The following RBFOX1 variants were observed in gnomAD, a reference collection of about 807,000 sequenced individuals.
The protein encoded by RBFOX1 is RNA binding fox-1 homolog 1.
Under a neutral mutation model 57.7 loss-of-function variants are expected in RBFOX1, and 8 were observed. The ratio of observed to expected loss-of-function variants is 0.14; its 90% CI spans 0.08 to 0.25. The LOEUF (loss-of-function observed/expected upper bound fraction) is 0.25. Ranked by LOEUF, RBFOX1 falls within the 10% of genes least tolerant of loss-of-function variation. The probability of loss-of-function intolerance (pLI) is 1.00; values close to 1 mark genes in which losing one functional copy is unlikely to be tolerated. For synonymous variants in RBFOX1, 326 were observed against 222.4 expected (o/e 1.47, Z -4.15); for missense variants, 611 against 548.5 (o/e 1.11, Z -1.14).
chr16:5,729,820 A>G (rs2052295873), intron 3 of RBFOX1, among the ~76,000 whole-genome samples: 2 of 152,298 alleles, frequency 1.3e-5, no homozygotes, highest in South Asian at 4.1e-4. Context: ...GGTGACTTTC[A>G]TTGCCTTTGA....
chr16:5,514,684 C>G (rs543867876), intron 2 of RBFOX1, among the ~76,000 whole-genome samples: 6 of 151,480 alleles, frequency 4.0e-5, no homozygotes, highest in African/African-American at 1.5e-4. Flanking sequence ...ATTGAAATGA[C>G]AATGATGTCC....
chr16:7,176,152 T>C (rs80039720), intron 4 of RBFOX1, among the ~76,000 whole-genome samples: 1,523 of 151,056 alleles, frequency 0.01, 36 homozygotes, highest in African/African-American at 0.035. Flanking sequence ...ACATGCTAGG[T>C]GTGTGATTTT....
At chr16:6,607,928 A>G (rs1171294804) in intron 2 of RBFOX1, among the ~76,000 whole-genome samples, 1 of 152,174 alleles carries the variant, frequency 6.6e-6, no homozygotes, top group Non-Finnish European at 1.5e-5. Flanking sequence ...GAAATAGAAT[A>G]TATACAAACT....
rs192161262 is a variant in RBFOX1, at chr16:7,414,421, A to G, written c.28-103726A>G. ...AGGAAAGATGGAATAAAGGAAGAAAAATATTGAAAAATCTTCAATTAAAAT... is the reference window on the plus strand; with the variant it reads ...AGGAAAGATGGAATAAAGGAAGAAAGATATTGAAAAATCTTCAATTAAAAT... On this transcript the variant is annotated intron_variant, in intron 4 of 15. Transcript: ENST00000550418. Among the ~76,000 whole-genome samples, 863 of 152,318 alleles carry G rather than the reference A, an allele frequency of 5.7e-3. 13 individuals are homozygous for G. Among genetic ancestry groups the G allele is most frequent in the Admixed American group, 9.2e-3 (141 of 15,300 alleles).
intron 3 of RBFOX1, among the ~76,000 whole-genome samples, chr16:5,837,640 C>G (rs2056502835): frequency 6.6e-6 from 1 of 150,612 alleles, no homozygotes; most frequent in African/African-American, 2.4e-5. Context: ...GTTCCTGGTC[C>G]TCTTTTGCGG....
chr16:7,445,112 A>G (rs1157170970), intron 4 of RBFOX1, among the ~76,000 whole-genome samples: 1 of 151,128 alleles, frequency 6.6e-6, no homozygotes, highest in African/African-American at 2.4e-5. Context: ...CTTGGTGCTG[A>G]TGAGGAATGT....
intron 3 of RBFOX1, among the ~76,000 whole-genome samples, chr16:6,918,164 C>A (rs932258604): frequency 1.3e-5 from 2 of 151,928 alleles, no homozygotes; most frequent in Non-Finnish European, 2.9e-5. Context: ...AGCCTGTAGT[C>A]CCAGCTACTA....
rs560253116 is a variant in RBFOX1 at position 6,594,125 on chromosome 16, C to T, written c.-63-60478C>T. 5.9e-5 allele frequency among the ~76,000 whole-genome samples: 9 copies of T among 152,266 alleles called. No homozygotes were observed. The East Asian group carries it at 1.4e-3, about 23-fold the overall frequency. ...ATCATGTTGAAGTGGAACAGCAATT[C>T]ATAAGAAATGACAGGAGCTTAGCAA... On this transcript the variant is annotated intron_variant, in intron 2 of 15. Coordinates refer to ENST00000550418, the MANE Select transcript of RBFOX1 (RefSeq NM_018723.4).
intron 2 of RBFOX1, among the ~76,000 whole-genome samples, chr16:5,562,725 A>G (rs567602009): frequency 2.9e-4 from 44 of 152,060 alleles, no homozygotes; most frequent in Non-Finnish European, 5.7e-4. Context: ...TCTCTGTCCT[A>G]TATTTTTGTT....
At chr16:7,592,484 T>TAATAATGA (rs1206220842) in intron 7 of RBFOX1, among the ~76,000 whole-genome samples, 1 of 152,188 alleles carries the variant, frequency 6.6e-6, no homozygotes, top group East Asian at 1.9e-4. Flanking sequence ...CTGGCTGTGT[T>TAATAATGA]CTTCCCAGTG....
chr16:6,058,288 C>G (rs905130227), intron 1 of RBFOX1, among the ~76,000 whole-genome samples: 2 of 151,818 alleles, frequency 1.3e-5, no homozygotes, highest in Non-Finnish European at 2.9e-5. Context: ...CTCCTTCTTT[C>G]CCTGCCTTCC....
At chr16:6,770,131 G>A (rs1428530970) in intron 3 of RBFOX1, among the ~76,000 whole-genome samples, 1 of 152,134 alleles carries the variant, frequency 6.6e-6, no homozygotes, top group Non-Finnish European at 1.5e-5. Context: ...AAGCAGAAAG[G>A]CAGCTTAGTA....
At chr16:6,024,989 G>A (rs1422348109) in intron 1 of RBFOX1, among the ~76,000 whole-genome samples, 1 of 152,250 alleles carries the variant, frequency 6.6e-6, no homozygotes, top group African/African-American at 2.4e-5. Flanking sequence ...GGCTGGAATA[G>A]TGACAAAATC....
intron 3 of RBFOX1, among the ~76,000 whole-genome samples, chr16:5,759,901 G>A (rs1307072616): frequency 6.6e-6 from 1 of 151,672 alleles, no homozygotes; most frequent in African/African-American, 2.4e-5. Flanking sequence ...ACCACCTGCA[G>A]TTTTACTGTT....
chr16:6,945,294 G>A (rs1046431446), intron 3 of RBFOX1, among the ~76,000 whole-genome samples: 1 of 152,114 alleles, frequency 6.6e-6, no homozygotes, highest in Non-Finnish European at 1.5e-5. Flanking sequence ...TGGTGAGAAT[G>A]TGTACACTAG....
chr16:6,637,162 A>G (rs1420085277), intron 2 of RBFOX1, among the ~76,000 whole-genome samples: 10 of 77,386 alleles, frequency 1.3e-4, no homozygotes, highest in East Asian at 3.5e-4. Flanking sequence ...AATATATATT[A>G]TATATTATAT....
intron 4 of RBFOX1, among the ~76,000 whole-genome samples, chr16:5,936,318 T>C (rs1335513754): frequency 6.6e-6 from 1 of 152,168 alleles, no homozygotes; most frequent in Non-Finnish European, 1.5e-5. Context: ...GAGATGGGGT[T>C]TCACCACGTT....
At chr16:5,543,826 G>A in intron 2 of RBFOX1, among the ~76,000 whole-genome samples, 1 of 152,114 alleles carries the variant, frequency 6.6e-6, no homozygotes, top group Non-Finnish European at 1.5e-5. Context: ...CAAAGATAAG[G>A]GTGACAGTGT....
chr16:6,519,179 A>C (rs1454811261), intron 2 of RBFOX1, among the ~76,000 whole-genome samples: 3 of 151,982 alleles, frequency 2.0e-5, no homozygotes, highest in Non-Finnish European at 4.4e-5. Flanking sequence ...CCGTCTGTGT[A>C]ATTTATCTCT....
Sources: allele counts gnomAD v4.1 joint callset (sites outside exome capture counted in the v4.1 genomes callset), GRCh38; gene constraint gnomAD v4.1.1; transcripts MANE v1.5; gene names NCBI Gene and HGNC (gene_info 2026-07-23, HGNC 2026-07-21).